Variants in ANAPC7 observed in about 807,000 individuals in gnomAD.
The protein encoded by ANAPC7 is anaphase promoting complex subunit 7.
Under a neutral mutation model 63.3 loss-of-function variants are expected in ANAPC7, and 25 were observed. That is an observed-to-expected ratio of 0.39 (90% CI 0.29 to 0.55). ANAPC7 has a LOEUF of 0.55. Among genes scored for constraint, ANAPC7 ranks in the 20% least tolerant of loss-of-function variants. The pLI is 0.57. For missense variants in ANAPC7, 516 were observed against 691.7 expected (o/e 0.75, Z 2.85); for synonymous variants, 241 against 251.7 (o/e 0.96, Z 0.40).
At position 110,376,055 on chromosome 12, in the gene ANAPC7, C is replaced by T. The variant is rs1355546108; in HGVS notation, c.1508+11G>A. On this transcript the variant is annotated intron_variant, in intron 10 of 10. Coordinates refer to ENST00000455511, the MANE Select transcript of ANAPC7 (RefSeq NM_016238.3). ...CTCAGTGGCCTTCCCCCAAGGGAGG[C>T]TAGTGCCTACCTTAGTGCTATACTA... The T allele has an allele frequency of 6.2e-7, 1 of 1,608,140 alleles. No homozygotes were observed. The highest frequency in any genetic ancestry group is 2.2e-5 in the East Asian group (1 of 44,740).
intron 1 of ANAPC7, among the ~76,000 whole-genome samples, chr12:110,396,683 GT>G (rs113013763): frequency 3.4e-5 from 5 of 146,180 alleles, no homozygotes. Flanking sequence ...GCTAATTTTT[GT>G]TTTTTTTTTT....
At chr12:110,380,975 T>G (rs1881785106) in intron 8 of ANAPC7, among the ~76,000 whole-genome samples, 1 of 150,030 alleles carries the variant, frequency 6.7e-6, no homozygotes, top group African/African-American at 2.5e-5. Context: ...ATAGGCAAAC[T>G]AAGTGATCTT....
intron 3 of ANAPC7, among the ~76,000 whole-genome samples, chr12:110,389,102 A>AAC (rs1491269435): frequency 6.9e-6 from 1 of 143,920 alleles, no homozygotes; most frequent in Non-Finnish European, 1.5e-5. Flanking sequence ...AAAAAAAAAA[A>AAC]GAAAAGAAAA....
Position 110,390,161 on chromosome 12 carries a change from T to G in ANAPC7, c.409-1538A>C, listed in dbSNP as rs371341310. ...TCAGCTCACTGCAACCTCTGCCTCC[T>G]GGGTTCAAGTGATTCTCCTGCCTCA... On this transcript the variant is annotated intron_variant, in intron 3 of 10. Coordinates refer to ENST00000455511, the MANE Select transcript of ANAPC7 (RefSeq NM_016238.3). Among the ~76,000 whole-genome samples the G allele has an allele frequency of 5.9e-5, 9 of 151,880 alleles. No individual in the cohort carries two copies. The East Asian group carries it at 7.8e-4, about 13-fold the overall frequency.
At chr12:110,385,709 T>C (rs970365601) in intron 6 of ANAPC7, among the ~76,000 whole-genome samples, 1 of 152,190 alleles carries the variant, frequency 6.6e-6, no homozygotes, top group African/African-American at 2.4e-5. Context: ...AGACTGTTTA[T>C]TGTCACAAGG....
At chr12:110,402,465 G>A (rs978462095) in intron 1 of ANAPC7, among the ~76,000 whole-genome samples, 1 of 152,008 alleles carries the variant, frequency 6.6e-6, no homozygotes, top group African/African-American at 2.4e-5. Flanking sequence ...GAGTAGCTGG[G>A]ACTACAGGCG....
Position 110,403,701 on chromosome 12 carries a change from T to C in ANAPC7, c.-74A>G. On this transcript the variant is annotated 5_prime_UTR_variant, in exon 1 of 11. Transcript: ENST00000455511. ...CCGGTAGAGGATCCTTAGGGAAGACTCCAAAATGGCGGCGTCGCCGGGGTC... is the reference window on the plus strand; with the variant it reads ...CCGGTAGAGGATCCTTAGGGAAGACCCCAAAATGGCGGCGTCGCCGGGGTC... 1 of 1,551,900 alleles carries C rather than the reference T, an allele frequency of 6.4e-7. No homozygotes were observed. Among genetic ancestry groups the C allele is most frequent in the Non-Finnish European group, 8.7e-7 (1 of 1,147,386 alleles).
In ANAPC7 at chr12:110,387,867, C is replaced by T; in HGVS notation, c.546G>A (p.Gly182=). ...TCATTGTCATGGATGCCACCTCTGC[C>T]CCTTTTACAGAAAGGGACAACAAGC... ...ILGLLSLSVK[G]AEVASMTMNV... The change falls in exon 5 of 11, where the codon GGG becomes GGA. Residue 182 remains glycine (G), a synonymous_variant. Coordinates refer to ENST00000455511, the MANE Select transcript of ANAPC7 (RefSeq NM_016238.3). The T allele has an allele frequency of 6.2e-7, 1 of 1,614,018 alleles. No individual in the cohort carries two copies. Among genetic ancestry groups the T allele is most frequent in the East Asian group, 2.2e-5 (1 of 44,880 alleles).
At position 110,391,172 on chromosome 12, in the gene ANAPC7, A is replaced by G. The variant is rs537403045; in HGVS notation, c.409-2549T>C. Among the ~76,000 whole-genome samples, 46 of 152,290 alleles carry G rather than the reference A, an allele frequency of 3.0e-4. 1 individual carries two copies. Among genetic ancestry groups the G allele is most frequent in the African/African-American group, 1.0e-3 (42 of 41,574 alleles). On this transcript the variant is annotated intron_variant, in intron 3 of 10. Coordinates refer to ENST00000455511, the MANE Select transcript of ANAPC7 (RefSeq NM_016238.3). ...GCCATTGCACTCCAGCCTGGGCAAC[A>G]GAGAGAGACTCCATCTCAAACAAAC...
intron 4 of ANAPC7, 102 bp from the exon 5 acceptor site, chr12:110,387,994 C>T (rs553671926): frequency 1.9e-4 from 232 of 1,238,170 alleles, no homozygotes; most frequent in Non-Finnish European, 2.5e-4. Flanking sequence ...AAGGCAACTG[C>T]TTCCCTATTC....
rs1883457226 is a variant in ANAPC7 at position 110,395,096 on chromosome 12, C to T, written c.408+5G>A. The T allele has an allele frequency of 5.0e-6, 8 of 1,611,272 alleles. No homozygotes were observed. In the East Asian group the frequency reaches 1.8e-4, roughly 36 times the overall value. ...AGGAGAAAAACACATAAACATTCAA[C>T]TTACTTTGGGAGTTCTTTGTCTTGA... On this transcript the variant is annotated splice_donor_5th_base_variant and intron_variant, in intron 3 of 10. Coordinates refer to ENST00000455511, the MANE Select transcript of ANAPC7 (RefSeq NM_016238.3).
intron 5 of ANAPC7, chr12:110,387,463 T>C (rs1337304630): frequency 1.5e-5 from 1 of 67,786 alleles, no homozygotes; most frequent in Non-Finnish European, 2.8e-5. Context: ...AAAAAAAAAA[T>C]GACACACCAA....
At chr12:110,378,103 A>C in intron 8 of ANAPC7, 1 of 155,742 alleles carries the variant, frequency 6.4e-6, no homozygotes, top group Admixed American at 6.2e-5. Flanking sequence ...TTTATTATTT[A>C]TTTTTTTTGC....
chr12:110,385,992 T>C (rs1397488692), intron 6 of ANAPC7, among the ~76,000 whole-genome samples: 1 of 152,176 alleles, frequency 6.6e-6, no homozygotes, highest in East Asian at 1.9e-4. Flanking sequence ...CCTAAAAGGA[T>C]ATTATGGTTT....
At chr12:110,382,456 AAAAAAATATATATATATATATATATAT>A (rs1201644292) in intron 7 of ANAPC7, among the ~76,000 whole-genome samples, 1 of 86,200 alleles carries the variant, frequency 1.2e-5, no homozygotes, top group Non-Finnish European at 2.4e-5. Context: ...AAAAAAAAAA[AAAAAAATATATATATATATATATATAT>A]ATATATATAT....
intron 7 of ANAPC7, 128 bp from the exon 8 acceptor site, chr12:110,382,076 T>TA: frequency 1.1e-6 from 1 of 923,890 alleles, no homozygotes; most frequent in Non-Finnish European, 1.5e-6. Flanking sequence ...ACCACACTTA[T>TA]AGTTTTAACC....
At chr12:110,376,366 T>C in intron 9 of ANAPC7, 150 bp from the exon 10 acceptor site, 1 of 850,100 alleles carries the variant, frequency 1.2e-6, no homozygotes, top group Non-Finnish European at 1.7e-6. Flanking sequence ...AGTTAAGAAA[T>C]TTTCCATCCT....
chr12:110,394,983 T>G, intron 3 of ANAPC7, 118 bp downstream of exon 3: 65 of 1,251,784 alleles, frequency 5.2e-5, no homozygotes, highest in Non-Finnish European at 6.6e-5. Flanking sequence ...AGGAAGAAAA[T>G]GAGAATTAGA....
chr12:110,388,365 G>A, intron 4 of ANAPC7, 147 bp downstream of exon 4: 2 of 638,192 alleles, frequency 3.1e-6, no homozygotes, highest in Non-Finnish European at 5.3e-6. Context: ...TTTCTTGATT[G>A]AATATGTGAC....
Sources: gnomAD v4.1 joint callset for allele counts (sites outside exome capture counted in the v4.1 genomes callset) on GRCh38, gnomAD v4.1.1 for gene constraint, MANE v1.5 for transcripts, NCBI Gene and HGNC (gene_info 2026-07-23, HGNC 2026-07-21) for gene names.